The following JAZF1 variants were observed in gnomAD, a reference collection of about 807,000 sequenced individuals.
JAZF1 encodes juxtaposed with another zinc finger protein 1.
In JAZF1, 8 loss-of-function variants were observed where a neutral mutation model predicts 26.4. That is an observed-to-expected ratio of 0.30 (90% confidence interval 0.18 to 0.55). The LOEUF is 0.55. Ranked by LOEUF, JAZF1 falls within the 20% of genes least tolerant of loss-of-function variation. The probability of loss-of-function intolerance (pLI) is 0.94; values close to 1 mark genes in which losing one functional copy is unlikely to be tolerated. For missense variants in JAZF1, 199 were observed against 322.0 expected, an observed-to-expected ratio of 0.62 and a Z score of 2.92; for synonymous variants, 126 against 122.3, an observed-to-expected ratio of 1.03 and a Z score of -0.20.
chr7:27,913,551 G>A, intron 2 of JAZF1: 1 of 266,330 alleles, frequency 3.8e-6, no homozygotes, highest in Non-Finnish European at 7.9e-6. Context: ...AGCTGCAGGA[G>A]GAGTGGAAAC....
At chr7:28,075,746 A>AT (rs1338530600) in intron 1 of JAZF1, among the ~76,000 whole-genome samples, 1 of 152,028 alleles carries the variant, frequency 6.6e-6, no homozygotes, top group Non-Finnish European at 1.5e-5. Context: ...GGTGAATCCC[A>AT]TTTTTTGCTA....
At chr7:27,901,005 C>G (rs1321450023) in intron 2 of JAZF1, among the ~76,000 whole-genome samples, 1 of 149,568 alleles carries the variant, frequency 6.7e-6, no homozygotes, top group African/African-American at 2.5e-5. Context: ...AGACGTATTA[C>G]CCAGATAAAA....
At chr7:28,121,180 T>C (rs1782597567) in intron 1 of JAZF1, among the ~76,000 whole-genome samples, 2 of 17,284 alleles carry the variant, frequency 1.2e-4, no homozygotes, top group African/African-American at 6.4e-4. Context: ...AGAAGGAGAC[T>C]GTCTCGAAAA....
rs1783940826 is a variant in JAZF1 at position 28,069,494 on chromosome 7, C to G, written c.116-77513G>C. On this transcript the variant is annotated intron_variant, in intron 1 of 4. Coordinates refer to ENST00000283928, the MANE Select transcript of JAZF1 (RefSeq NM_175061.4). ...CAGCCTTTAGCTCCCTGCCTGCTCC[C>G]TAGCATTAAGAAACAAAGGAAAAGT... Among the ~76,000 whole-genome samples the G allele has an allele frequency of 2.0e-5, 3 of 152,264 alleles. No individual in the cohort carries two copies. In the East Asian group the frequency reaches 5.8e-4, roughly 29 times the overall value.
At chr7:27,923,700 A>G (rs1784569947) in intron 2 of JAZF1, among the ~76,000 whole-genome samples, 1 of 152,168 alleles carries the variant, frequency 6.6e-6, no homozygotes, top group Non-Finnish European at 1.5e-5. Context: ...GACTTGGCAC[A>G]CTAGGAGAGG....
intron 1 of JAZF1, among the ~76,000 whole-genome samples, chr7:28,075,799 G>T (rs1263045991): frequency 6.6e-6 from 1 of 152,042 alleles, no homozygotes; most frequent in African/African-American, 2.4e-5. Flanking sequence ...TGGAATTCTA[G>T]AAATGGGCTT....
intron 1 of JAZF1, chr7:28,020,459 T>TGGTC: frequency 2.5e-6 from 1 of 400,386 alleles, no homozygotes; most frequent in Non-Finnish European, 5.2e-6. Flanking sequence ...GCCTCCACGG[T>TGGTC]GCCTTCTCCT....
rs188263343 is a variant in JAZF1, at chr7:28,033,204, C to T, written c.116-41223G>A. Among the ~76,000 whole-genome samples, 275 of 152,170 alleles carry T rather than the reference C, an allele frequency of 1.8e-3. 2 individuals carry two copies. The highest frequency in any genetic ancestry group is 6.4e-3 in the African/African-American group (265 of 41,520). ...CTCAAGTGAAAATAAGGAGACTGCACGGCCACTGGGATGGAACATCGATTA... is the reference window on the plus strand; with the variant it reads ...CTCAAGTGAAAATAAGGAGACTGCATGGCCACTGGGATGGAACATCGATTA... On this transcript the variant is annotated intron_variant, in intron 1 of 4. Transcript: ENST00000283928.
At chr7:27,897,253 G>A (rs1178428594) in intron 2 of JAZF1, among the ~76,000 whole-genome samples, 1 of 152,104 alleles carries the variant, frequency 6.6e-6, no homozygotes, top group Non-Finnish European at 1.5e-5. Flanking sequence ...GTTTCAAATA[G>A]CAAAATAAAC....
At chr7:27,865,721 C>T (rs116306024) in intron 3 of JAZF1, among the ~76,000 whole-genome samples, 5 of 151,944 alleles carry the variant, frequency 3.3e-5, no homozygotes, top group Non-Finnish European at 7.4e-5. Context: ...GAAGTTTAAC[C>T]GGGGAGCAGA....
chr7:27,986,802 C>T (rs530186181), intron 2 of JAZF1, among the ~76,000 whole-genome samples: 98 of 152,248 alleles, frequency 6.4e-4, no homozygotes, highest in African/African-American at 2.3e-3. Flanking sequence ...ATTGCAGGCG[C>T]GCGCTGCCAT....
chr7:28,055,136 G>A (rs1190591084), intron 1 of JAZF1, among the ~76,000 whole-genome samples: 1 of 151,586 alleles, frequency 6.6e-6, no homozygotes, highest in Non-Finnish European at 1.5e-5. Flanking sequence ...ACAGAGGATG[G>A]CTCCAATTCA....
chr7:27,885,539 C>T (rs6961731), intron 3 of JAZF1, among the ~76,000 whole-genome samples: 122,910 of 152,214 alleles, frequency 0.81, 49,977 homozygotes, highest in African/African-American at 0.87. Flanking sequence ...GTAGGAGTTC[C>T]GTACGTATTC....
At chr7:28,092,084 T>C (rs1469722593) in intron 1 of JAZF1, among the ~76,000 whole-genome samples, 1 of 151,898 alleles carries the variant, frequency 6.6e-6, no homozygotes, top group African/African-American at 2.4e-5. Flanking sequence ...TGAGGGTATA[T>C]TTGGGTTATT....
chr7:28,002,911 G>T (rs548698073), intron 1 of JAZF1, among the ~76,000 whole-genome samples: 18 of 152,220 alleles, frequency 1.2e-4, no homozygotes, highest in African/African-American at 4.3e-4. Flanking sequence ...CTGCCTGAAA[G>T]AAATTCTGGG....
chr7:27,862,556 C>A (rs1434676783), intron 3 of JAZF1, among the ~76,000 whole-genome samples: 1 of 152,228 alleles, frequency 6.6e-6, no homozygotes, highest in Non-Finnish European at 1.5e-5. Flanking sequence ...ATTTTCATCT[C>A]TCCAAAGAGA....
At chr7:27,855,110 T>C (rs1040972040) in intron 3 of JAZF1, among the ~76,000 whole-genome samples, 3 of 152,158 alleles carry the variant, frequency 2.0e-5, no homozygotes, top group Non-Finnish European at 4.4e-5. Flanking sequence ...TTTCATTAAG[T>C]TGATCTTCAA....
chr7:28,037,618 T>C (rs1783315814), intron 1 of JAZF1, among the ~76,000 whole-genome samples: 1 of 152,124 alleles, frequency 6.6e-6, no homozygotes, highest in Non-Finnish European at 1.5e-5. Context: ...GGAAGGAATT[T>C]TTACAGTTTT....
intron 1 of JAZF1, among the ~76,000 whole-genome samples, chr7:28,093,377 A>C (rs1784333253): frequency 6.6e-6 from 1 of 152,120 alleles, no homozygotes; most frequent in South Asian, 2.1e-4. Flanking sequence ...TCTGCCTTCC[A>C]CCATGATTGT....
Sources: gnomAD v4.1 joint callset for allele counts (sites outside exome capture counted in the v4.1 genomes callset) on GRCh38, gnomAD v4.1.1 for gene constraint, MANE v1.5 for transcripts, NCBI Gene and HGNC (gene_info 2026-07-23, HGNC 2026-07-21) for gene names.